The following ZNF26 variants were observed in gnomAD, a reference collection of about 807,000 sequenced individuals.
ZNF26 encodes zinc finger protein 26.
ZNF26 carries 32 observed loss-of-function variants against 54.9 expected under a neutral mutation model. The ratio of observed to expected loss-of-function variants is 0.58; its 90% CI spans 0.44 to 0.78. The LOEUF is 0.78. ZNF26 is among the 30% of genes least tolerant of loss of function. The pLI is 0.00. For synonymous variants in ZNF26, 221 were observed against 209.2 expected (o/e 1.06, Z -0.49); for missense variants, 524 against 634.0 (o/e 0.83, Z 1.86).
chr12:132,990,814 G>T (rs1444341444), intron 1 of ZNF26, among the ~76,000 whole-genome samples: 1 of 152,238 alleles, frequency 6.6e-6, no homozygotes, highest in African/African-American at 2.4e-5. Flanking sequence ...GTCATGAAAT[G>T]TGTGGACGTA....
Position 133,021,820 on chromosome 12 carries a change from A to T in ZNF26, c.*10339A>T, listed in dbSNP as rs928939851. The T allele has an allele frequency of 1.3e-5, 2 of 152,056 alleles. No individual in the cohort carries two copies. Among genetic ancestry groups the T allele is most frequent in the African/African-American group, 4.8e-5 (2 of 41,412 alleles). The allele number at this position is 152,056 out of a possible 1,614,324, so 9.4% of individuals were successfully genotyped here. A position where few individuals can be genotyped will look rare whatever the true frequency, so the allele number is the denominator to read the frequency against. On this transcript the variant is annotated 3_prime_UTR_variant, in exon 4 of 4. Coordinates refer to ENST00000328654, the MANE Select transcript of ZNF26 (RefSeq NM_019591.4). Reference sequence around the variant, plus strand: ...TGTAGAGAAAGCTAACATGGTAAAAATTTGAGGAATATTGGTAAAGAATAT... The same window carrying T: ...TGTAGAGAAAGCTAACATGGTAAAATTTTGAGGAATATTGGTAAAGAATAT...
chr12:133,018,991 AC>A lies in ZNF26; in HGVS notation c.*7511del, dbSNP rs1310748837. ...CCAACCATGTACAGAAGACATACAT[AC>A]ATACTCAAAGATACAATTGGATTAG... is the stretch of plus-strand genomic sequence containing the variant. On this transcript the variant is annotated 3_prime_UTR_variant, in exon 4 of 4. Coordinates refer to ENST00000328654, the MANE Select transcript of ZNF26 (RefSeq NM_019591.4). 2.6e-5 allele frequency: 4 copies of A among 152,204 alleles called. No homozygotes were observed. The highest frequency in any genetic ancestry group is 9.6e-5 in the African/African-American group (4 of 41,464). The allele number at this position is 152,204 out of a possible 1,614,324, so 9.4% of individuals were successfully genotyped here.
rs1051987154 is a variant in ZNF26, at chr12:133,007,384, C to T, written c.161-53C>T. 5.4e-4 allele frequency: 800 copies of T among 1,481,824 alleles called. 5 individuals carry two copies. The African/African-American group carries it at 9.8e-3, about 18-fold the overall frequency. The allele number at this position is 1,481,824 out of a possible 1,614,324, so 91.8% of individuals were successfully genotyped here. A position where few individuals can be genotyped will look rare whatever the true frequency, so the allele number is the denominator to read the frequency against. On this transcript the variant is annotated intron_variant, in intron 2 of 3. Coordinates refer to ENST00000328654, the MANE Select transcript of ZNF26 (RefSeq NM_019591.4). ...TTTTGCTCTGTAGCTCTTGATTCCTCGGTCCTGTCCCTAACAGCCTGGTCC... is the reference window on the plus strand; with the variant it reads ...TTTTGCTCTGTAGCTCTTGATTCCTTGGTCCTGTCCCTAACAGCCTGGTCC...
chr12:133,012,025 T>C lies in ZNF26; in HGVS notation c.*544T>C, dbSNP rs971513711. The C allele has an allele frequency of 6.6e-6, 1 of 152,260 alleles. No homozygotes were observed. Among genetic ancestry groups the C allele is most frequent in the Non-Finnish European group, 1.5e-5 (1 of 68,064 alleles). 9.4% of individuals were successfully genotyped at this position (152,260 alleles called of 1,614,324 possible). On this transcript the variant is annotated 3_prime_UTR_variant, in exon 4 of 4. Coordinates refer to ENST00000328654, the MANE Select transcript of ZNF26 (RefSeq NM_019591.4). Reference sequence around the variant, plus strand: ...AAATTTTTTGTACTTTATTTTTTAATGTAACTTGTTCTATCTATCTATATA... The same window carrying C: ...AAATTTTTTGTACTTTATTTTTTAACGTAACTTGTTCTATCTATCTATATA...
chr12:133,007,393 C>T, intron 2 of ZNF26, 44 bp from the exon 3 acceptor site: 2 of 1,535,008 alleles, frequency 1.3e-6, no homozygotes, highest in Middle Eastern at 3.4e-4. Flanking sequence ...TCGGTCCTGT[C>T]CCTAACAGCC....
At position 133,016,912 on chromosome 12, in the gene ZNF26, A is replaced by G. The variant is rs1466587129; in HGVS notation, c.*5431A>G. The stretch of plus-strand genomic sequence containing the variant: ...CATTGAGTTGCCCTTTTCCAATTTT[A>G]CATGCTTAGGTTGACTTCTCAATAG... On this transcript the variant is annotated 3_prime_UTR_variant, in exon 4 of 4. Transcript: ENST00000328654. 1 of 152,210 alleles carries G rather than the reference A, an allele frequency of 6.6e-6. No homozygotes were observed. The allele number at this position is 152,210 out of a possible 1,614,324, so 9.4% of individuals were successfully genotyped here.
At chr12:133,004,096 T>C (rs1221941011) in intron 1 of ZNF26, among the ~76,000 whole-genome samples, 1 of 152,242 alleles carries the variant, frequency 6.6e-6, no homozygotes, top group Non-Finnish European at 1.5e-5. Flanking sequence ...TTGTTTTCAG[T>C]ATGTTTCTTC....
rs1953559111 is a variant in ZNF26 at position 133,015,863 on chromosome 12, C to T, written c.*4382C>T. The T allele has an allele frequency of 1.3e-5, 2 of 152,136 alleles. No homozygotes were observed. Among genetic ancestry groups the T allele is most frequent in the African/African-American group, 4.8e-5 (2 of 41,430 alleles). The allele number at this position is 152,136 out of a possible 1,614,324, so 9.4% of individuals were successfully genotyped here. A position where few individuals can be genotyped will look rare whatever the true frequency, so the allele number is the denominator to read the frequency against. The stretch of plus-strand genomic sequence containing the variant: ...CTTCTACTGGCAAATAAAAGTGCTT[C>T]AAGCAGACGTTTATTTAGAAATTCA... On this transcript the variant is annotated 3_prime_UTR_variant, in exon 4 of 4. Coordinates refer to ENST00000328654, the MANE Select transcript of ZNF26 (RefSeq NM_019591.4).
Position 133,010,649 on chromosome 12 carries a change from C to T in ZNF26, c.770C>T (p.Pro257Leu). Residue 257 changes from proline to leucine, a missense_variant, in exon 4 of 4, where the codon CCC becomes CTC. Transcript: ENST00000328654. ...CAGGAAATTCACACAGGAGGGAAAC[C>T]CTATGGCTGCAGTGAATGTGGGAAA... ...VHQEIHTGGK[P>L]YGCSECGKAY... 1 of 1,613,906 alleles carries T rather than the reference C, an allele frequency of 6.2e-7. No individual in the cohort carries two copies. Among genetic ancestry groups the T allele is most frequent in the Non-Finnish European group, 8.5e-7 (1 of 1,179,986 alleles).
At chr12:132,994,804 A>G (rs1440224694) in intron 1 of ZNF26, among the ~76,000 whole-genome samples, 2 of 152,138 alleles carry the variant, frequency 1.3e-5, no homozygotes, top group Non-Finnish European at 2.9e-5. Flanking sequence ...ACATACCAGG[A>G]TTTTTCAACC....
chr12:132,998,496 C>T (rs369115826), intron 1 of ZNF26, among the ~76,000 whole-genome samples: 3 of 152,204 alleles, frequency 2.0e-5, no homozygotes, highest in East Asian at 3.9e-4. Flanking sequence ...ATTTTGGATT[C>T]GACTTTTTAA....
intron 1 of ZNF26, among the ~76,000 whole-genome samples, chr12:132,987,308 T>A (rs1952843798): frequency 1.3e-5 from 2 of 152,200 alleles, no homozygotes; most frequent in African/African-American, 4.8e-5. Flanking sequence ...TTATGTATGT[T>A]CCTAATTTTA....
rs973886249 is a variant in ZNF26, at chr12:133,019,185, C to T, written c.*7704C>T. ...AGAAGATGTAACAATTATAAATAGA[C>T]AATTGGGATTACATCAAGCTGGGAA... On this transcript the variant is annotated 3_prime_UTR_variant, in exon 4 of 4. Transcript: ENST00000328654. 4.6e-5 allele frequency: 7 copies of T among 152,146 alleles called. No homozygotes were observed. The highest frequency in any genetic ancestry group is 4.6e-4 in the Admixed American group (7 of 15,292). The allele number at this position is 152,146 out of a possible 1,614,324, so 9.4% of individuals were successfully genotyped here. A position where few individuals can be genotyped will look rare whatever the true frequency, so the allele number is the denominator to read the frequency against.
Position 133,022,583 on chromosome 12 carries a change from G to T in ZNF26, c.*11102G>T, listed in dbSNP as rs959150624. The T allele has an allele frequency of 9.9e-5, 15 of 152,208 alleles. No individual in the cohort carries two copies. Among genetic ancestry groups the T allele is most frequent in the African/African-American group, 3.6e-4 (15 of 41,516 alleles). The allele number at this position is 152,208 out of a possible 1,614,324, so 9.4% of individuals were successfully genotyped here. On this transcript the variant is annotated 3_prime_UTR_variant, in exon 4 of 4. Coordinates refer to ENST00000328654, the MANE Select transcript of ZNF26 (RefSeq NM_019591.4). ...AAAATGTTAGCATTGGGGGAAACTG[G>T]GAAAAGTGTATAAGGGATCTCTGCA... is the stretch of plus-strand genomic sequence containing the variant.
At position 133,017,839 on chromosome 12, in the gene ZNF26, C is replaced by T. The variant is rs1453446520; in HGVS notation, c.*6358C>T. ...CCTCACTAACATGGTGAAACCCCAT[C>T]TCTATTAAAAACACAAAAAATTAGC... On this transcript the variant is annotated 3_prime_UTR_variant, in exon 4 of 4. Coordinates refer to ENST00000328654, the MANE Select transcript of ZNF26 (RefSeq NM_019591.4). 6.6e-6 allele frequency: 1 copy of T among 152,184 alleles called. No homozygotes were observed. Among genetic ancestry groups the T allele is most frequent in the Non-Finnish European group, 1.5e-5 (1 of 68,078 alleles). The allele number at this position is 152,184 out of a possible 1,614,324, so 9.4% of individuals were successfully genotyped here.
chr12:133,006,292 C>G (rs758236971), intron 1 of ZNF26: 1,151 of 985,418 alleles, frequency 1.2e-3, no homozygotes, highest in Admixed American at 1.5e-3. Context: ...TTGTTTATCC[C>G]CCTGTTCTCA....
At position 133,017,758 on chromosome 12, in the gene ZNF26, C is replaced by T. The variant is rs1953584102; in HGVS notation, c.*6277C>T. ...GGCGTGGTGGCTCACGCCTGTAATC[C>T]CAGCACTTTGGGAGGCCGAGGTGGG... On this transcript the variant is annotated 3_prime_UTR_variant, in exon 4 of 4. Coordinates refer to ENST00000328654, the MANE Select transcript of ZNF26 (RefSeq NM_019591.4). 1 of 152,168 alleles carries T rather than the reference C, an allele frequency of 6.6e-6. No individual in the cohort carries two copies. Among genetic ancestry groups the T allele is most frequent in the Admixed American group, 6.5e-5 (1 of 15,268 alleles). The allele number at this position is 152,168 out of a possible 1,614,324, so 9.4% of individuals were successfully genotyped here.
At chr12:132,992,945 C>T (rs1013903201) in intron 1 of ZNF26, among the ~76,000 whole-genome samples, 2 of 151,750 alleles carry the variant, frequency 1.3e-5, no homozygotes, top group Admixed American at 1.3e-4. Context: ...TTTTTTTCCT[C>T]AATCTCGTGC....
rs1566248893 is a variant in ZNF26, at chr12:132,986,517, G to A, written c.-324G>A. On this transcript the variant is annotated 5_prime_UTR_variant, in exon 1 of 4. Transcript: ENST00000328654. The stretch of plus-strand genomic sequence containing the variant: ...CTCGGATTATCCTGGGCAGACCAGA[G>A]ACTTGACCAGCTAAACACTTCCGTC... 1 of 461,420 alleles carries A rather than the reference G, an allele frequency of 2.2e-6. No individual in the cohort carries two copies. The highest frequency in any genetic ancestry group is 3.4e-5 in the Admixed American group (1 of 29,664). The allele number at this position is 461,420 out of a possible 1,614,324, so 28.6% of individuals were successfully genotyped here. A position where few individuals can be genotyped will look rare whatever the true frequency, so the allele number is the denominator to read the frequency against.
Sources: gnomAD v4.1 joint callset for allele counts (sites outside exome capture counted in the v4.1 genomes callset) on GRCh38, gnomAD v4.1.1 for gene constraint, MANE v1.5 for transcripts, NCBI Gene and HGNC (gene_info 2026-07-23, HGNC 2026-07-21) for gene names.